Variants in ATE1 observed in about 807,000 individuals in gnomAD.
ATE1 encodes arginyltransferase 1.
A neutral mutation model predicts 70.5 loss-of-function variants in ATE1; 36 were observed. The ratio of observed to expected loss-of-function variants is 0.51; its 90% CI spans 0.39 to 0.67. ATE1 has a LOEUF of 0.67. Ranked by LOEUF, ATE1 falls within the 30% of genes least tolerant of loss-of-function variation. The pLI, the probability that ATE1 is intolerant of heterozygous loss-of-function variation, is 0.00. For synonymous variants in ATE1, 232 were observed against 219.3 expected (o/e 1.06, Z -0.51); for missense variants, 593 against 629.5 (o/e 0.94, Z 0.62).
At chr10:121,757,223 T>C (rs1284758698) in intron 11 of ATE1, among the ~76,000 whole-genome samples, 1 of 152,114 alleles carries the variant, frequency 6.6e-6, no homozygotes, top group African/African-American at 2.4e-5. Context: ...TCCCAACGAG[T>C]TCCTCATCTC....
At chr10:121,862,938 TA>T (rs1031336806) in intron 8 of ATE1, among the ~76,000 whole-genome samples, 4 of 135,708 alleles carry the variant, frequency 2.9e-5, no homozygotes, top group Non-Finnish European at 5.1e-5. Flanking sequence ...TGCATGCAAT[TA>T]AAGGGGGGTA....
intron 10 of ATE1, among the ~76,000 whole-genome samples, chr10:121,811,908 G>A (rs1312768243): frequency 5.3e-5 from 8 of 151,318 alleles, no homozygotes; most frequent in South Asian, 2.1e-4. Context: ...CCTTGAATAC[G>A]GAAAGGGCAG....
intron 1 of ATE1, 128 bp downstream of exon 1, chr10:121,927,716 T>C (rs1952156475): frequency 2.2e-6 from 3 of 1,341,272 alleles, no homozygotes; most frequent in Non-Finnish European, 1.9e-6. Context: ...CTCCCGAGAG[T>C]GCCCCCTCCG....
rs535605891 is a variant in ATE1, at chr10:121,749,051, T to C, written c.1379-5193A>G. On this transcript the variant is annotated intron_variant, in intron 11 of 11. Coordinates refer to ENST00000224652, the MANE Select transcript of ATE1 (RefSeq NM_001001976.3). ...TTGTCAACTGTCCCAAATTCTTTAG[T>C]TTTCCCATGAACACACTTTGACTAT... Among the ~76,000 whole-genome samples, 5 of 152,316 alleles carry C rather than the reference T, an allele frequency of 3.3e-5. No individual in the cohort carries two copies. The East Asian group carries it at 9.6e-4, about 29-fold the overall frequency.
chr10:121,785,838 G>T (rs1216751904), intron 11 of ATE1, among the ~76,000 whole-genome samples: 2 of 152,002 alleles, frequency 1.3e-5, no homozygotes, highest in African/African-American at 4.8e-5. Flanking sequence ...TACTAATAAT[G>T]AATGATTTAG....
intron 7 of ATE1, among the ~76,000 whole-genome samples, chr10:121,888,496 T>C (rs1950478040): frequency 6.6e-6 from 1 of 151,998 alleles, no homozygotes; most frequent in Non-Finnish European, 1.5e-5. Flanking sequence ...CCATCACAAA[T>C]GAAGGACAAC....
At chr10:121,794,534 AG>A (rs1280565357) in intron 10 of ATE1, among the ~76,000 whole-genome samples, 3 of 13,736 alleles carry the variant, frequency 2.2e-4, no homozygotes, top group East Asian at 3.0e-3. Context: ...TGAGCCCAGG[AG>A]GGTAGAGGGT....
intron 10 of ATE1, among the ~76,000 whole-genome samples, chr10:121,828,271 A>G (rs1431095857): frequency 1.3e-5 from 2 of 152,228 alleles, no homozygotes; most frequent in African/African-American, 4.8e-5. Context: ...TGAAGGTGTC[A>G]CTTTCATACC....
chr10:121,775,477 A>C (rs905729152), intron 11 of ATE1, among the ~76,000 whole-genome samples: 4 of 152,176 alleles, frequency 2.6e-5, no homozygotes, highest in African/African-American at 7.2e-5. Flanking sequence ...TAAAGTTAAA[A>C]AACAACAACA....
chr10:121,870,115 T>A (rs948053650), intron 7 of ATE1, 77 bp from the exon 8 acceptor site: 30 of 1,368,702 alleles, frequency 2.2e-5, no homozygotes, highest in African/African-American at 2.0e-4. Context: ...AAAGAAAAAA[T>A]TATTATACAA....
chr10:121,924,527 C>T (rs1407770049), intron 1 of ATE1, among the ~76,000 whole-genome samples, 198 bp from the exon 2 acceptor site: 1 of 151,884 alleles, frequency 6.6e-6, no homozygotes, highest in Non-Finnish European at 1.5e-5. Context: ...GGTGAAACCC[C>T]ATCTCTACTA....
chr10:121,867,509 T>TC (rs1949704265), intron 8 of ATE1, among the ~76,000 whole-genome samples: 1 of 152,134 alleles, frequency 6.6e-6, no homozygotes, highest in Non-Finnish European at 1.5e-5. Flanking sequence ...AGCCCCTTTT[T>TC]CCCAAGGTTA....
upstream of ATE1, chr10:121,928,238 T>G (rs1590755084): frequency 2.9e-6 from 4 of 1,384,234 alleles, no homozygotes; most frequent in Admixed American, 5.9e-5. Context: ...ATGGGGAGAG[T>G]CAAGAGGGGA....
At chr10:121,820,781 T>C (rs1947762082) in intron 10 of ATE1, among the ~76,000 whole-genome samples, 1 of 152,232 alleles carries the variant, frequency 6.6e-6, no homozygotes, top group Non-Finnish European at 1.5e-5. Flanking sequence ...GTTATTAAAC[T>C]GATATATGCA....
intron 3 of ATE1, among the ~76,000 whole-genome samples, chr10:121,916,249 A>C (rs538293200): frequency 2.9e-4 from 44 of 152,260 alleles, no homozygotes; most frequent in East Asian, 7.7e-4. Context: ...ACAACAACAA[A>C]AAAAAGGAAC....
At position 121,842,811 on chromosome 10, in the gene ATE1, G is replaced by A. The variant is rs184146623; in HGVS notation, c.976-1548C>T. On this transcript the variant is annotated intron_variant, in intron 8 of 11. Coordinates refer to ENST00000224652, the MANE Select transcript of ATE1 (RefSeq NM_001001976.3). The stretch of plus-strand genomic sequence containing the variant: ...CTGGCAAGACCCAACACCTATTCAT[G>A]ACTAATCACTCTTAACAAACTGGGA... 9.9e-5 allele frequency among the ~76,000 whole-genome samples: 15 copies of A among 152,198 alleles called. No homozygotes were observed. In the East Asian group the frequency reaches 2.1e-3, roughly 22 times the overall value.
intron 10 of ATE1, among the ~76,000 whole-genome samples, chr10:121,810,322 G>A (rs539690741): frequency 2.0e-5 from 3 of 152,228 alleles, no homozygotes; most frequent in South Asian, 2.1e-4. Context: ...CCAGGCTGGA[G>A]TGCAGTGGCA....
intron 11 of ATE1, among the ~76,000 whole-genome samples, chr10:121,779,374 A>G (rs1408278202): frequency 6.6e-6 from 1 of 152,068 alleles, no homozygotes; most frequent in Non-Finnish European, 1.5e-5. Context: ...GCTACTTAAC[A>G]CACCTGCTCA....
chr10:121,837,101 T>G (rs1458528900), intron 9 of ATE1, among the ~76,000 whole-genome samples: 1 of 152,234 alleles, frequency 6.6e-6, no homozygotes, highest in Non-Finnish European at 1.5e-5. Flanking sequence ...TAAAGAGATC[T>G]ACAGTGTCCT....
Sources: allele counts gnomAD v4.1 joint callset (sites outside exome capture counted in the v4.1 genomes callset), GRCh38; gene constraint gnomAD v4.1.1; transcripts MANE v1.5; gene names NCBI Gene and HGNC (gene_info 2026-07-23, HGNC 2026-07-21).